The following TENM3 variants were observed in gnomAD, a reference collection of about 807,000 sequenced individuals.
TENM3 encodes teneurin transmembrane protein 3.
TENM3 carries 63 observed loss-of-function variants against 255.1 expected under a neutral mutation model. That is an observed-to-expected ratio of 0.25 (90% confidence interval 0.20 to 0.30). The LOEUF is 0.30. Among genes scored for constraint, TENM3 ranks in the 10% least tolerant of loss-of-function variants. TENM3 has a pLI of 1.00. For synonymous variants in TENM3, 1,306 were observed against 1,322.3 expected, an observed-to-expected ratio of 0.99 and a Z score of 0.27; for missense variants, 2,929 against 3,461.1, an observed-to-expected ratio of 0.85 and a Z score of 3.86.
At chr4:182,532,007 G>C (rs1560882898) in intron 3 of TENM3, among the ~76,000 whole-genome samples, 1 of 152,162 alleles carries the variant, frequency 6.6e-6, no homozygotes, top group Non-Finnish European at 1.5e-5. Context: ...TGTGAACTCT[G>C]TTTTTTGTAA....
intron 2 of TENM3, among the ~76,000 whole-genome samples, chr4:182,335,357 C>T (rs35566618): frequency 1.9e-3 from 271 of 142,420 alleles, no homozygotes; most frequent in Admixed American, 3.3e-3. Flanking sequence ...TAGCCGGGCG[C>T]GGTGGCAGGC....
At chr4:181,673,190 T>C in the TENM3 span, among the ~76,000 whole-genome samples, 18,008 of 152,088 alleles carry the variant, frequency 0.12, 1,286 homozygotes, top group South Asian at 0.19. Flanking sequence ...ATACCTATTA[T>C]TGTGTTGTAA....
At chr4:182,058,344 A>G in the TENM3 span, among the ~76,000 whole-genome samples, 3 of 152,178 alleles carry the variant, frequency 2.0e-5, no homozygotes, top group Non-Finnish European at 2.9e-5. Flanking sequence ...CTGGTGGCAT[A>G]AAGAGTACAT....
chr4:181,694,060 T>G, the TENM3 span, among the ~76,000 whole-genome samples: 1 of 152,172 alleles, frequency 6.6e-6, no homozygotes, highest in Non-Finnish European at 1.5e-5. Context: ...TAGTACCAAT[T>G]CCACAGAATT....
intron 11 of TENM3, among the ~76,000 whole-genome samples, chr4:182,683,915 G>GA (rs1334447098): frequency 2.6e-5 from 4 of 151,882 alleles, no homozygotes; most frequent in Non-Finnish European, 4.4e-5. Context: ...AGGACCTGCT[G>GA]AAAAAAACAC....
chr4:182,134,845 A>G, the TENM3 span, among the ~76,000 whole-genome samples: 24 of 151,900 alleles, frequency 1.6e-4, no homozygotes. Context: ...TTATTCCACA[A>G]CTCTCTTTTC....
intron 6 of TENM3, among the ~76,000 whole-genome samples, chr4:182,666,765 G>A (rs1754719078): frequency 6.6e-6 from 1 of 151,974 alleles, no homozygotes; most frequent in Admixed American, 6.6e-5. Context: ...CAGACTCGGT[G>A]GTGTGCACCT....
the TENM3 span, among the ~76,000 whole-genome samples, chr4:181,710,849 G>A: frequency 6.8e-6 from 1 of 147,146 alleles, no homozygotes; most frequent in Non-Finnish European, 1.5e-5. Flanking sequence ...GCGCCCGGCC[G>A]AGACTCCATC....
At chr4:181,575,441 A>G in the TENM3 span, among the ~76,000 whole-genome samples, 3 of 152,196 alleles carry the variant, frequency 2.0e-5, no homozygotes, top group Non-Finnish European at 4.4e-5. Context: ...CCCATCAAAA[A>G]ATAAAGTGTA....
chr4:181,967,296 A>T, the TENM3 span, among the ~76,000 whole-genome samples: 1 of 152,114 alleles, frequency 6.6e-6, no homozygotes, highest in Non-Finnish European at 1.5e-5. Context: ...GATCCTACCC[A>T]GTTCTGTAAC....
chr4:182,737,260 A>G (rs1397611921), intron 17 of TENM3, among the ~76,000 whole-genome samples, 185 bp downstream of exon 17: 1 of 152,216 alleles, frequency 6.6e-6, no homozygotes, highest in East Asian at 1.9e-4. Context: ...CCATGTGGCA[A>G]GAAGAAGAAA....
At chr4:181,617,467 G>T in the TENM3 span, among the ~76,000 whole-genome samples, 2 of 152,178 alleles carry the variant, frequency 1.3e-5, no homozygotes, top group Non-Finnish European at 2.9e-5. Flanking sequence ...CTGGGTTGGG[G>T]ACAGAGCTGC....
chr4:182,425,944 G>A (rs1169491031), intron 3 of TENM3, among the ~76,000 whole-genome samples: 10 of 149,080 alleles, frequency 6.7e-5, no homozygotes, highest in Non-Finnish European at 1.2e-4. Flanking sequence ...GGAAGTGGAG[G>A]TTGCAGTGAG....
At chr4:181,605,560 A>AAGAAAG in the TENM3 span, among the ~76,000 whole-genome samples, 1 of 26,742 alleles carries the variant, frequency 3.7e-5, no homozygotes, top group African/African-American at 9.4e-5. Flanking sequence ...GAAAGAAAGA[A>AAGAAAG]AGAAAGAAAG....
the TENM3 span, among the ~76,000 whole-genome samples, chr4:181,963,865 A>C: frequency 6.6e-6 from 1 of 152,288 alleles, no homozygotes; most frequent in African/African-American, 2.4e-5. Context: ...GTAAGTAATT[A>C]ATTTGGGGTA....
At chr4:181,493,693 G>A in the TENM3 span, among the ~76,000 whole-genome samples, 35 of 150,880 alleles carry the variant, frequency 2.3e-4, no homozygotes, top group Admixed American at 1.4e-3. Flanking sequence ...ACAGTGAGCC[G>A]AAATCACACT....
At chr4:182,230,854 A>C (rs867811445) in intron 1 of TENM3, among the ~76,000 whole-genome samples, 8 of 123,902 alleles carry the variant, frequency 6.5e-5, no homozygotes, top group Admixed American at 2.5e-4. Flanking sequence ...ATATATATAT[A>C]TATCCCCCTT....
chr4:181,659,452 T>G, the TENM3 span, among the ~76,000 whole-genome samples: 1 of 152,166 alleles, frequency 6.6e-6, no homozygotes, highest in Admixed American at 6.5e-5. Context: ...CGGTAACAAT[T>G]CTATGGGGAA....
At chr4:182,673,287 C>A in intron 7 of TENM3, 68 bp downstream of exon 7, 1 of 1,118,386 alleles carries the variant, frequency 8.9e-7, no homozygotes, top group Non-Finnish European at 1.3e-6. Flanking sequence ...TATTCTCTTT[C>A]TTAAGCTCAG....
Sources: allele counts gnomAD v4.1 joint callset (sites outside exome capture counted in the v4.1 genomes callset), GRCh38; gene constraint gnomAD v4.1.1; transcripts MANE v1.5; gene names NCBI Gene and HGNC (gene_info 2026-07-23, HGNC 2026-07-21).